Variants in ARHGEF3 observed in about 807,000 individuals in gnomAD.
The protein encoded by ARHGEF3 is Rho guanine nucleotide exchange factor 3, also known as 59.8 kDA protein.
In ARHGEF3, 28 loss-of-function variants were observed where a neutral mutation model predicts 63.2. The ratio of observed to expected loss-of-function variants is 0.44; its 90% CI spans 0.33 to 0.61. The LOEUF is 0.61. Among genes scored for constraint, ARHGEF3 ranks in the 20% least tolerant of loss-of-function variants. The pLI is 0.03. For synonymous variants in ARHGEF3, 266 were observed against 254.2 expected (o/e 1.05, Z -0.44); for missense variants, 533 against 659.3 (o/e 0.81, Z 2.10).
chr3:57,010,768 A>G (rs534311854), intron 2 of ARHGEF3, among the ~76,000 whole-genome samples: 1 of 152,184 alleles, frequency 6.6e-6, no homozygotes, highest in East Asian at 1.9e-4. Flanking sequence ...GAAAGGCCTG[A>G]ATCATGGGGA....
At position 57,014,684 on chromosome 3, in the gene ARHGEF3, CTT is replaced by C. The variant is rs34987425; in HGVS notation, c.62+20402_62+20403del. Among the ~76,000 whole-genome samples the C allele has an allele frequency of 9.0e-4, 132 of 146,658 alleles. 1 individual carries two copies. Among genetic ancestry groups the C allele is most frequent in the Non-Finnish European group, 1.4e-3 (93 of 66,638 alleles). ...AGCAAATATTTATAAAGCTTGTTAACTTTTTTTTTTTTTTGAGACAGAGTCTC... is the reference window on the plus strand; with the variant it reads ...AGCAAATATTTATAAAGCTTGTTAACTTTTTTTTTTTTGAGACAGAGTCTC... On this transcript the variant is annotated intron_variant, in intron 2 of 12. Coordinates refer to the ARHGEF3 transcript ENST00000338458.
chr3:56,896,583 C>A (rs1272951806), intron 3 of ARHGEF3, among the ~76,000 whole-genome samples: 1 of 152,134 alleles, frequency 6.6e-6, no homozygotes, highest in East Asian at 1.9e-4. Flanking sequence ...TTTACTGTCA[C>A]GTGTTCTTGA....
intron 4 of ARHGEF3, among the ~76,000 whole-genome samples, chr3:56,852,210 G>C (rs1279568235): frequency 6.6e-6 from 1 of 152,190 alleles, no homozygotes; most frequent in Non-Finnish European, 1.5e-5. Context: ...AAATTCCCTA[G>C]TGTAGAAGTG....
chr3:56,784,752 T>C (rs1458022107), intron 1 of ARHGEF3, among the ~76,000 whole-genome samples: 1 of 152,206 alleles, frequency 6.6e-6, no homozygotes, highest in Non-Finnish European at 1.5e-5. Flanking sequence ...TTCTTATCAC[T>C]CTGGCCCAAA....
At chr3:57,052,807 A>T (rs1704731261) in intron 1 of ARHGEF3, among the ~76,000 whole-genome samples, 1 of 152,156 alleles carries the variant, frequency 6.6e-6, no homozygotes, top group Non-Finnish European at 1.5e-5. Context: ...TGTCAGAAGG[A>T]CACCCAGCAG....
At chr3:57,056,602 G>A (rs904909131) in intron 1 of ARHGEF3, among the ~76,000 whole-genome samples, 8 of 152,108 alleles carry the variant, frequency 5.3e-5, no homozygotes, top group South Asian at 2.1e-4. Context: ...GAGGCATGAC[G>A]AGGAGTGGAA....
chr3:56,874,387 G>T (rs1206446630), intron 4 of ARHGEF3, among the ~76,000 whole-genome samples: 1 of 152,156 alleles, frequency 6.6e-6, no homozygotes. Context: ...GCCAGGGCGA[G>T]GCTAATCTCC....
At chr3:56,916,459 A>C in intron 3 of ARHGEF3, 1 of 1,420,060 alleles carries the variant, frequency 7.0e-7, no homozygotes. Flanking sequence ...CCTCCCCGCC[A>C]CTTGGGCTGC....
chr3:56,882,259 G>T, intron 4 of ARHGEF3: 4 of 1,534,088 alleles, frequency 2.6e-6, no homozygotes, highest in Non-Finnish European at 3.5e-6. Flanking sequence ...AGATGCTCTC[G>T]GTGCCAGTGG....
At chr3:57,043,974 C>G (rs190229275) in intron 1 of ARHGEF3, among the ~76,000 whole-genome samples, 1 of 152,298 alleles carries the variant, frequency 6.6e-6, no homozygotes, top group Admixed American at 6.5e-5. Context: ...AAGTGAGGTC[C>G]CATGACCATC....
intron 2 of ARHGEF3, among the ~76,000 whole-genome samples, chr3:56,765,307 G>T (rs1228726361): frequency 6.6e-6 from 1 of 152,098 alleles, no homozygotes; most frequent in Non-Finnish European, 1.5e-5. Flanking sequence ...GGAAAAGAGG[G>T]ATAAGGAAGG....
At chr3:56,893,882 A>G (rs1331899730) in intron 3 of ARHGEF3, among the ~76,000 whole-genome samples, 1 of 149,314 alleles carries the variant, frequency 6.7e-6, no homozygotes, top group Non-Finnish European at 1.5e-5. Flanking sequence ...CTTTACATGT[A>G]TTATAACCAA....
At chr3:57,059,171 A>C (rs1345000563) in intron 1 of ARHGEF3, among the ~76,000 whole-genome samples, 2 of 152,178 alleles carry the variant, frequency 1.3e-5, no homozygotes, top group African/African-American at 4.8e-5. Context: ...GCTGACATGC[A>C]ATCATACTTA....
chr3:56,895,774 T>C (rs2041282806), intron 3 of ARHGEF3, among the ~76,000 whole-genome samples: 1 of 152,164 alleles, frequency 6.6e-6, no homozygotes, highest in Non-Finnish European at 1.5e-5. Flanking sequence ...TTCAGGTCCA[T>C]CGTTCTGAGG....
chr3:57,008,409 A>C (rs1050006237), intron 2 of ARHGEF3, among the ~76,000 whole-genome samples: 1 of 151,838 alleles, frequency 6.6e-6, no homozygotes, highest in South Asian at 2.1e-4. Flanking sequence ...AAACAGAAAC[A>C]CACTGTCTGG....
intron 4 of ARHGEF3, among the ~76,000 whole-genome samples, chr3:56,828,564 A>C (rs77866545): frequency 0.01 from 1,583 of 151,770 alleles, 10 homozygotes; most frequent in Non-Finnish European, 0.018. Context: ...AACCAAAAAA[A>C]CCAAGTTGGG....
At chr3:56,933,909 T>G (rs1433487066) in intron 3 of ARHGEF3, among the ~76,000 whole-genome samples, 3 of 152,176 alleles carry the variant, frequency 2.0e-5, no homozygotes, top group Admixed American at 2.0e-4. Context: ...GCTATTCTCA[T>G]GACAGTGAGT....
At chr3:56,772,771 TTATGC>T (rs2036074945) in intron 2 of ARHGEF3, among the ~76,000 whole-genome samples, 1 of 152,220 alleles carries the variant, frequency 6.6e-6, no homozygotes, top group Non-Finnish European at 1.5e-5. Context: ...GGCCAAGGTG[TTATGC>T]TATGCCCTTT....
chr3:56,968,151 TA>T (rs1177062312), intron 2 of ARHGEF3, among the ~76,000 whole-genome samples: 15 of 31,130 alleles, frequency 4.8e-4, no homozygotes, highest in Non-Finnish European at 7.8e-4. Context: ...ATAATATATA[TA>T]AAAATATATA....
Sources: gnomAD v4.1 joint callset for allele counts (sites outside exome capture counted in the v4.1 genomes callset) on GRCh38, gnomAD v4.1.1 for gene constraint, MANE v1.5 for transcripts, NCBI Gene and HGNC (gene_info 2026-07-23, HGNC 2026-07-21) for gene names.